Variants in MAP2K6 observed in about 807,000 individuals in gnomAD.
MAP2K6 encodes dual specificity mitogen-activated protein kinase kinase 6.
A neutral mutation model predicts 53.7 loss-of-function variants in MAP2K6; 16 were observed. The observed-to-expected ratio is 0.30, with a 90% CI of 0.20 to 0.45. The LOEUF is 0.45. MAP2K6 is among the 20% of genes least tolerant of loss of function. The probability of loss-of-function intolerance (pLI) is 1.00; values close to 1 mark genes in which losing one functional copy is unlikely to be tolerated. For synonymous variants in MAP2K6, 132 were observed against 143.1 expected, an observed-to-expected ratio of 0.92 and a Z score of 0.55; for missense variants, 204 against 411.9, an observed-to-expected ratio of 0.50 and a Z score of 4.37.
chr17:69,499,761 C>T (rs539790852), intron 1 of MAP2K6, among the ~76,000 whole-genome samples: 62 of 152,150 alleles, frequency 4.1e-4, no homozygotes, highest in African/African-American at 1.4e-3. Flanking sequence ...TAAATAAATA[C>T]AAAAATAAAA....
intron 1 of MAP2K6, among the ~76,000 whole-genome samples, chr17:69,449,561 ATTTCTTTCTTTCTTTCTTTC>A (rs1230834033): frequency 3.9e-5 from 4 of 102,068 alleles, no homozygotes; most frequent in Non-Finnish European, 7.4e-5. Flanking sequence ...TTCTTTCTTT[ATTTCTTTCTTTCTTTCTTTC>A]TTTCTTTCTT....
chr17:69,421,961 A>G (rs1346509119), intron 1 of MAP2K6, among the ~76,000 whole-genome samples: 13 of 151,878 alleles, frequency 8.6e-5, no homozygotes, highest in Admixed American at 8.5e-4. Flanking sequence ...GCCTCTGCCC[A>G]GCCCCTTCCT....
chr17:69,444,084 C>T (rs1906899152), intron 1 of MAP2K6, among the ~76,000 whole-genome samples: 1 of 152,160 alleles, frequency 6.6e-6, no homozygotes, highest in Non-Finnish European at 1.5e-5. Context: ...TCCCATTCTG[C>T]TTCCATATAA....
chr17:69,460,074 C>T (rs747767954), intron 1 of MAP2K6, among the ~76,000 whole-genome samples: 22 of 146,508 alleles, frequency 1.5e-4, no homozygotes, highest in Admixed American at 2.7e-4. Flanking sequence ...TTTCTTTTTA[C>T]GTATTCATCA....
intron 6 of MAP2K6, 44 bp downstream of exon 6, chr17:69,520,430 A>T (rs755604404): frequency 1.7e-6 from 2 of 1,194,742 alleles, no homozygotes; most frequent in Non-Finnish European, 2.4e-6. Flanking sequence ...TGTGAGAAAT[A>T]AAGTCCCTAT....
At chr17:69,529,121 C>G in intron 10 of MAP2K6, among the ~76,000 whole-genome samples, 1 of 152,142 alleles carries the variant, frequency 6.6e-6, no homozygotes, top group Non-Finnish European at 1.5e-5. Flanking sequence ...TCCAATGATT[C>G]TCAACTGTGG....
intron 1 of MAP2K6, among the ~76,000 whole-genome samples, chr17:69,476,344 C>A (rs548910032): frequency 2.8e-4 from 43 of 152,258 alleles, no homozygotes; most frequent in African/African-American, 9.4e-4. Flanking sequence ...AGCTACCTTG[C>A]AGAAATTCCA....
intron 1 of MAP2K6, among the ~76,000 whole-genome samples, chr17:69,451,458 A>G (rs907471199): frequency 1.3e-5 from 2 of 152,218 alleles, no homozygotes; most frequent in Non-Finnish European, 2.9e-5. Context: ...GAATGTGGAA[A>G]GGTTGGCAGG....
intron 1 of MAP2K6, among the ~76,000 whole-genome samples, chr17:69,449,139 T>A (rs548428418): frequency 6.6e-6 from 1 of 152,346 alleles, no homozygotes; most frequent in East Asian, 1.9e-4. Context: ...TCCCTGCTCT[T>A]CCACTTACTA....
intron 2 of MAP2K6, among the ~76,000 whole-genome samples, chr17:69,507,737 T>C (rs968362583): frequency 1.3e-5 from 2 of 152,200 alleles, no homozygotes; most frequent in Non-Finnish European, 2.9e-5. Flanking sequence ...GAAGGAGATA[T>C]GGGTAGTTTT....
intron 1 of MAP2K6, among the ~76,000 whole-genome samples, chr17:69,452,378 C>T (rs1044903225): frequency 6.6e-6 from 1 of 152,014 alleles, no homozygotes; most frequent in Non-Finnish European, 1.5e-5. Context: ...CTTCTCTGTT[C>T]CTGCCTTGGA....
At chr17:69,458,636 G>A (rs989373954) in intron 1 of MAP2K6, among the ~76,000 whole-genome samples, 12 of 152,058 alleles carry the variant, frequency 7.9e-5, no homozygotes, top group East Asian at 1.9e-4. Flanking sequence ...TAGCACTATC[G>A]TTCTCCTACT....
At position 69,546,270 on chromosome 17, in the gene MAP2K6, C is replaced by T. The variant is rs1021781009; in HGVS notation, c.*4517C>T. On this transcript the variant is annotated 3_prime_UTR_variant, in exon 12 of 12. Coordinates refer to ENST00000590474, the MANE Select transcript of MAP2K6 (RefSeq NM_002758.4). The stretch of plus-strand genomic sequence containing the variant: ...GCTAATTCATTTTTTAACTGCAACC[C>T]TACTCTTCTTTGCTGTTCATCAGCC... 11 of 152,100 alleles carry T rather than the reference C, an allele frequency of 7.2e-5. No homozygotes were observed. The highest frequency in any genetic ancestry group is 2.4e-4 in the African/African-American group (10 of 41,396). 9.4% of individuals were successfully genotyped at this position (152,100 alleles called of 1,614,324 possible).
intron 10 of MAP2K6, 45 bp downstream of exon 10, chr17:69,526,754 T>C (rs1910793870): frequency 6.3e-7 from 1 of 1,588,780 alleles, no homozygotes; most frequent in African/African-American, 1.3e-5. Context: ...AAGAAGAAGA[T>C]GAGTTCTCAT....
chr17:69,422,032 C>T (rs1445141673), intron 1 of MAP2K6, among the ~76,000 whole-genome samples: 1 of 151,360 alleles, frequency 6.6e-6, no homozygotes, highest in African/African-American at 2.4e-5. Context: ...CCATGCGGTT[C>T]AGTATGTAGT....
intron 7 of MAP2K6, chr17:69,521,858 A>C (rs1352306893): frequency 4.0e-5 from 6 of 150,936 alleles, no homozygotes; most frequent in African/African-American, 1.5e-4. Flanking sequence ...TGAAAGTACC[A>C]AGCTGGGTGC....
intron 9 of MAP2K6, 134 bp from the exon 10 acceptor site, chr17:69,526,436 C>A (rs112827301): frequency 1.1e-3 from 976 of 876,774 alleles, no homozygotes; most frequent in Non-Finnish European, 1.5e-3. Context: ...AGTTTATTTC[C>A]TGCCCCCCTA....
intron 1 of MAP2K6, among the ~76,000 whole-genome samples, chr17:69,471,739 A>G (rs910516807): frequency 6.6e-6 from 1 of 152,238 alleles, no homozygotes; most frequent in South Asian, 2.1e-4. Flanking sequence ...TAAATAATTC[A>G]TATGTTAAAA....
intron 1 of MAP2K6, 100 bp from the exon 2 acceptor site, chr17:69,505,680 G>A (rs1383086746): frequency 1.1e-6 from 1 of 912,746 alleles, no homozygotes. Flanking sequence ...AGACATGAGA[G>A]CTGCCTGTGC....
Sources: gnomAD v4.1 joint callset for allele counts (sites outside exome capture counted in the v4.1 genomes callset) on GRCh38, gnomAD v4.1.1 for gene constraint, MANE v1.5 for transcripts, NCBI Gene and HGNC (gene_info 2026-07-23, HGNC 2026-07-21) for gene names.